TRAPPC10: variants seen among roughly 807,000 people sequenced by gnomAD.
TRAPPC10 encodes trafficking protein particle complex subunit 10, also known as TRAPP 130 kDa subunit.
Under a neutral mutation model 125.5 loss-of-function variants are expected in TRAPPC10, and 23 were observed. The ratio of observed to expected loss-of-function variants is 0.18; its 90% CI spans 0.13 to 0.26. The LOEUF is 0.26. Ranked by LOEUF, TRAPPC10 falls within the 10% of genes least tolerant of loss-of-function variation. The probability of loss-of-function intolerance (pLI) is 1.00; values close to 1 mark genes in which losing one functional copy is unlikely to be tolerated. For missense variants in TRAPPC10, 1,123 were observed against 1,308.4 expected, an observed-to-expected ratio of 0.86 and a Z score of 2.19; for synonymous variants, 509 against 518.0, an observed-to-expected ratio of 0.98 and a Z score of 0.24.
chr21:44,068,723 G>C (rs1441102182), intron 7 of TRAPPC10, among the ~76,000 whole-genome samples: 1 of 152,022 alleles, frequency 6.6e-6, no homozygotes, highest in African/African-American at 2.4e-5. Context: ...GCCTCAGCCA[G>C]TCAAGTAGCC....
intron 4 of TRAPPC10, among the ~76,000 whole-genome samples, chr21:44,055,091 C>A (rs532311185): frequency 6.6e-6 from 1 of 152,120 alleles, no homozygotes; most frequent in Non-Finnish European, 1.5e-5. Flanking sequence ...CTGAGTGAGG[C>A]GTGATCACAT....
chr21:44,054,426 G>C (rs2145850389), intron 4 of TRAPPC10, among the ~76,000 whole-genome samples: 1 of 152,280 alleles, frequency 6.6e-6, no homozygotes, highest in South Asian at 2.1e-4. Context: ...CGGAAAAAAG[G>C]AACTTAGAGT....
intron 11 of TRAPPC10, 88 bp downstream of exon 11, chr21:44,077,872 A>G (rs897523366): frequency 1.0e-6 from 1 of 994,104 alleles, no homozygotes; most frequent in South Asian, 1.8e-5. Flanking sequence ...TAAAGTGCAC[A>G]TAAATTTGTA....
chr21:44,040,264 G>T (rs1448934835), intron 3 of TRAPPC10, among the ~76,000 whole-genome samples: 1 of 152,132 alleles, frequency 6.6e-6, no homozygotes, highest in African/African-American at 2.4e-5. Context: ...ATACTCAAGA[G>T]CAAGGGCTGC....
rs71197876 is a variant in TRAPPC10 at position 44,022,450 on chromosome 21, ATTTTT to A, written c.68-9620_68-9616del. Among the ~76,000 whole-genome samples, 54 of 96,962 alleles carry A rather than the reference ATTTTT, an allele frequency of 5.6e-4. 2 individuals carry two copies. In the South Asian group the frequency reaches 5.7e-3, roughly 10 times the overall value. The allele number at this position is 96,962 out of a possible 152,430, so 63.6% of individuals were successfully genotyped here. A position where few individuals can be genotyped will look rare whatever the true frequency, so the allele number is the denominator to read the frequency against. On this transcript the variant is annotated intron_variant, in intron 1 of 22. Coordinates refer to ENST00000291574, the MANE Select transcript of TRAPPC10 (RefSeq NM_003274.5). ...AGGCGTGTGCCACCATGCCCAGCTA[ATTTTT>A]TTTTTTTTTTTTTTTTTTTTACAAA...
chr21:44,092,365 C>G (rs1314887960), intron 19 of TRAPPC10, among the ~76,000 whole-genome samples: 1 of 152,252 alleles, frequency 6.6e-6, no homozygotes. Flanking sequence ...CTCCACTCTG[C>G]CCAGAGCCTG....
At chr21:44,024,005 C>G (rs1169802931) in intron 1 of TRAPPC10, among the ~76,000 whole-genome samples, 1 of 152,208 alleles carries the variant, frequency 6.6e-6, no homozygotes, top group African/African-American at 2.4e-5. Flanking sequence ...AAGCTGGTCT[C>G]AAATTCCCGA....
rs954810521 is a variant in TRAPPC10, at chr21:44,047,565, T to TGTGTGTGTGTGTGTGTGTGCGC, written c.286-4714_286-4713insTGTGTGTGTGTGTGTGTGCGCG. Among the ~76,000 whole-genome samples the TGTGTGTGTGTGTGTGTGTGCGC allele has an allele frequency of 1.9e-3, 283 of 147,168 alleles. 1 individual carries two copies. The highest frequency in any genetic ancestry group is 6.4e-3 in the African/African-American group (246 of 38,686). ...GTGTGTGTGTGTGTGTGTGTGTGTG[T>TGTGTGTGTGTGTGTGTGTGCGC]GCGCGCACACGCTACATGAAGTTCC... is the stretch of plus-strand genomic sequence containing the variant. On this transcript the variant is annotated intron_variant, in intron 3 of 22. Transcript: ENST00000291574.
intron 9 of TRAPPC10, among the ~76,000 whole-genome samples, chr21:44,075,855 G>A (rs573737793): frequency 6.6e-6 from 1 of 152,296 alleles, no homozygotes; most frequent in East Asian, 1.9e-4. Context: ...TTCGAGACCA[G>A]CCTGACCAAC....
intron 13 of TRAPPC10, among the ~76,000 whole-genome samples, chr21:44,081,985 G>A (rs553276377): frequency 6.6e-6 from 1 of 152,194 alleles, no homozygotes; most frequent in East Asian, 1.9e-4. Flanking sequence ...TGGTAGAGCC[G>A]TGACCACATC....
chr21:44,068,921 G>A (rs2036652734), intron 7 of TRAPPC10, among the ~76,000 whole-genome samples: 1 of 152,084 alleles, frequency 6.6e-6, no homozygotes, highest in African/African-American at 2.4e-5. Context: ...TAAATAAATA[G>A]GTTCAAGAAA....
At position 44,055,685 on chromosome 21, in the gene TRAPPC10, C is replaced by T. The variant is rs527267229; in HGVS notation, c.483-13C>T. The T allele has an allele frequency of 1.9e-6, 3 of 1,586,380 alleles. No individual in the cohort carries two copies. The highest frequency in any genetic ancestry group is 4.5e-5 in the East Asian group (2 of 44,298). On this transcript the variant is annotated splice_polypyrimidine_tract_variant and intron_variant, in intron 4 of 22. Transcript: ENST00000291574. Reference sequence around the variant, plus strand: ...GAGGGTCTTTCCCAGATAGTCTGTTCATGTCTTTGCAGGTGTGTTGTGCTC... The same window carrying T: ...GAGGGTCTTTCCCAGATAGTCTGTTTATGTCTTTGCAGGTGTGTTGTGCTC...
At chr21:44,095,465 C>T (rs776938963) in intron 20 of TRAPPC10, among the ~76,000 whole-genome samples, 2 of 151,290 alleles carry the variant, frequency 1.3e-5, no homozygotes, top group Admixed American at 6.6e-5. Context: ...CTCAAACTCT[C>T]TACCTCAGGT....
At chr21:44,045,125 G>C (rs995069546) in intron 3 of TRAPPC10, among the ~76,000 whole-genome samples, 24 of 152,080 alleles carry the variant, frequency 1.6e-4, no homozygotes, top group African/African-American at 5.8e-4. Context: ...AGTAGAAACG[G>C]GGTTTCACCA....
intron 10 of TRAPPC10, among the ~76,000 whole-genome samples, chr21:44,077,046 C>A (rs1234298664): frequency 6.6e-6 from 1 of 152,158 alleles, no homozygotes; most frequent in Non-Finnish European, 1.5e-5. Context: ...ATTCCCGGGT[C>A]ATGGGCAACT....
At chr21:44,101,153 TCAACAA>T (rs566385787) in intron 21 of TRAPPC10, among the ~76,000 whole-genome samples, 1 of 71,708 alleles carries the variant, frequency 1.4e-5, no homozygotes, top group African/African-American at 3.1e-5. Flanking sequence ...AAACTCCGCC[TCAACAA>T]CAACAACAAC....
At chr21:44,093,739 C>T (rs1483814959) in intron 19 of TRAPPC10, among the ~76,000 whole-genome samples, 1 of 152,086 alleles carries the variant, frequency 6.6e-6, no homozygotes, top group Non-Finnish European at 1.5e-5. Flanking sequence ...GCCTGGGCGA[C>T]AAAGCGAGAC....
At chr21:44,045,208 C>T (rs1405262385) in intron 3 of TRAPPC10, among the ~76,000 whole-genome samples, 1 of 152,206 alleles carries the variant, frequency 6.6e-6, no homozygotes, top group Non-Finnish European at 1.5e-5. Flanking sequence ...GCTTGGATTA[C>T]AGGCGTGAGC....
chr21:44,073,606 G>A (rs561898423), intron 7 of TRAPPC10, among the ~76,000 whole-genome samples: 1 of 152,220 alleles, frequency 6.6e-6, no homozygotes, highest in South Asian at 2.1e-4. Flanking sequence ...TAGGACCCAT[G>A]AACAGTTACA....
Sources: allele counts gnomAD v4.1 joint callset (sites outside exome capture counted in the v4.1 genomes callset), GRCh38; gene constraint gnomAD v4.1.1; transcripts MANE v1.5; gene names NCBI Gene and HGNC (gene_info 2026-07-23, HGNC 2026-07-21).